NETO2: variants seen among roughly 807,000 people sequenced by gnomAD.
The protein encoded by NETO2 is neuropilin and tolloid-like protein 2.
In NETO2, 28 loss-of-function variants were observed where a neutral mutation model predicts 62.5. The ratio of observed to expected loss-of-function variants is 0.45; its 90% CI spans 0.33 to 0.61. The LOEUF is 0.61. Among genes scored for constraint, NETO2 ranks in the 20% least tolerant of loss-of-function variants. The pLI is 0.02. For synonymous variants in NETO2, 214 were observed against 219.1 expected, an observed-to-expected ratio of 0.98 and a Z score of 0.21; for missense variants, 548 against 643.2, an observed-to-expected ratio of 0.85 and a Z score of 1.60.
intron 6 of NETO2, among the ~76,000 whole-genome samples, chr16:47,114,901 G>A (rs1049887751): frequency 5.3e-5 from 8 of 151,976 alleles, no homozygotes; most frequent in East Asian, 1.9e-4. Flanking sequence ...TAAATACAGT[G>A]TTGGATGTAG....
At chr16:47,093,045 T>A (rs1431307068) in intron 7 of NETO2, among the ~76,000 whole-genome samples, 1 of 152,216 alleles carries the variant, frequency 6.6e-6, no homozygotes, top group Non-Finnish European at 1.5e-5. Flanking sequence ...ACTATGGAAG[T>A]AAACTCTTAA....
intron 7 of NETO2, among the ~76,000 whole-genome samples, chr16:47,105,652 C>T (rs760657865): frequency 3.9e-5 from 6 of 151,930 alleles, no homozygotes; most frequent in African/African-American, 1.5e-4. Context: ...AAAAAAAATT[C>T]AAAAGCGGGC....
chr16:47,090,489 G>A (rs763866841), intron 7 of NETO2, among the ~76,000 whole-genome samples: 4 of 152,188 alleles, frequency 2.6e-5, no homozygotes, highest in Admixed American at 6.5e-5. Flanking sequence ...CAAAAATAGT[G>A]CCAGTTATGA....
intron 7 of NETO2, among the ~76,000 whole-genome samples, chr16:47,094,357 TG>T (rs1963383448): frequency 6.6e-6 from 1 of 151,574 alleles, no homozygotes. Flanking sequence ...TTTTTCCTGG[TG>T]GGAATGTATT....
chr16:47,124,784 GTAAAA>G (rs886533558), intron 4 of NETO2, among the ~76,000 whole-genome samples: 32 of 152,210 alleles, frequency 2.1e-4, no homozygotes, highest in Non-Finnish European at 3.7e-4. Context: ...TTCCTCATCT[GTAAAA>G]TAAAATATTA....
In NETO2 at chr16:47,079,303, C is replaced by T. The variant is rs1567375065; in HGVS notation, c.*3918G>A. On this transcript the variant is annotated 3_prime_UTR_variant, in exon 9 of 9. Coordinates refer to ENST00000562435, the MANE Select transcript of NETO2 (RefSeq NM_018092.5). ...CTCAAAAAACAAAAAAACAGAAAAA[C>T]AAAAACAGAAGGCCAGGCGCGGTGG... is the stretch of plus-strand genomic sequence containing the variant. 7.0e-6 allele frequency: 1 copy of T among 143,416 alleles called. No homozygotes were observed. Among genetic ancestry groups the T allele is most frequent in the African/African-American group, 2.6e-5 (1 of 38,404 alleles). The allele number at this position is 143,416 out of a possible 1,614,324, so 8.9% of individuals were successfully genotyped here. A position where few individuals can be genotyped will look rare whatever the true frequency, so the allele number is the denominator to read the frequency against.
chr16:47,112,714 C>G (rs1963825901), intron 6 of NETO2, among the ~76,000 whole-genome samples: 1 of 152,118 alleles, frequency 6.6e-6, no homozygotes, highest in African/African-American at 2.4e-5. Flanking sequence ...CCCATGTCAA[C>G]TGTAATAATT....
intron 4 of NETO2, among the ~76,000 whole-genome samples, chr16:47,124,043 C>T (rs550980132): frequency 6.6e-6 from 1 of 152,286 alleles, no homozygotes; most frequent in South Asian, 2.1e-4. Context: ...CAACTAGAGA[C>T]TCAATTCCTG....
intron 6 of NETO2, among the ~76,000 whole-genome samples, chr16:47,112,405 T>C (rs1963819814): frequency 6.6e-6 from 1 of 152,198 alleles, no homozygotes; most frequent in African/African-American, 2.4e-5. Context: ...GTCTCCTAGG[T>C]TGGAGTTCAG....
intron 6 of NETO2, among the ~76,000 whole-genome samples, chr16:47,119,403 G>A (rs377624950): frequency 6.6e-6 from 1 of 151,652 alleles, no homozygotes; most frequent in African/African-American, 2.4e-5. Flanking sequence ...TGCCTGCCTC[G>A]GCCTCCCAAA....
In NETO2 at chr16:47,122,644, T is replaced by C. The variant is rs1429499414; in HGVS notation, c.654+13A>G. 4.3e-6 allele frequency: 7 copies of C among 1,611,572 alleles called. No individual in the cohort carries two copies. The highest frequency in any genetic ancestry group is 3.4e-6 in the Non-Finnish European group (4 of 1,179,390). On this transcript the variant is annotated intron_variant, in intron 6 of 8. Transcript: ENST00000562435. ...GATGTTCTTCTCTGAAGCGACTCAA[T>C]ACATAATAATACCTTAGCTTTTGGA...
At chr16:47,108,103 C>A (rs146803434) in intron 7 of NETO2, among the ~76,000 whole-genome samples, 1 of 151,708 alleles carries the variant, frequency 6.6e-6, no homozygotes, top group Non-Finnish European at 1.5e-5. Context: ...AATATTATAA[C>A]AATAGAATAA....
chr16:47,120,573 G>A (rs1457906234), intron 6 of NETO2, among the ~76,000 whole-genome samples: 4 of 152,108 alleles, frequency 2.6e-5, no homozygotes. Flanking sequence ...ACTGTGTTGT[G>A]CTATCAAATA....
At chr16:47,133,107 A>G (rs1342001554) in intron 1 of NETO2, among the ~76,000 whole-genome samples, 3 of 152,224 alleles carry the variant, frequency 2.0e-5, no homozygotes, top group African/African-American at 4.8e-5. Flanking sequence ...TCTACAATAC[A>G]AGGTGAAACG....
chr16:47,126,018 C>T (rs530892568), intron 4 of NETO2, among the ~76,000 whole-genome samples: 1 of 152,282 alleles, frequency 6.6e-6, no homozygotes, highest in South Asian at 2.1e-4. Flanking sequence ...CCCTGATAAC[C>T]ATTCCACTTT....
At chr16:47,127,473 A>G (rs985266241) in intron 4 of NETO2, among the ~76,000 whole-genome samples, 1 of 152,220 alleles carries the variant, frequency 6.6e-6, no homozygotes, top group Non-Finnish European at 1.5e-5. Flanking sequence ...AAAAGAGTAA[A>G]TATTACAAGA....
chr16:47,142,367 T>C (rs1333357885), intron 1 of NETO2, among the ~76,000 whole-genome samples: 1 of 152,210 alleles, frequency 6.6e-6, no homozygotes, highest in Non-Finnish European at 1.5e-5. Flanking sequence ...ATTACTGAAA[T>C]CTCAATTACG....
At chr16:47,125,502 C>A (rs992336467) in intron 4 of NETO2, among the ~76,000 whole-genome samples, 1 of 151,992 alleles carries the variant, frequency 6.6e-6, no homozygotes, top group Non-Finnish European at 1.5e-5. Context: ...TGCACCACCA[C>A]GCCCAGCTAA....
chr16:47,126,926 C>T (rs1168723938), intron 4 of NETO2, among the ~76,000 whole-genome samples: 1 of 152,122 alleles, frequency 6.6e-6, no homozygotes, highest in Non-Finnish European at 1.5e-5. Context: ...TACATAAGTA[C>T]TAACAGGCAA....
Sources: gnomAD v4.1 joint callset for allele counts (sites outside exome capture counted in the v4.1 genomes callset) on GRCh38, gnomAD v4.1.1 for gene constraint, MANE v1.5 for transcripts, NCBI Gene and HGNC (gene_info 2026-07-23, HGNC 2026-07-21) for gene names.